Variants in RASAL2 observed in about 807,000 individuals in gnomAD.
RASAL2 encodes the protein RAS protein activator like 2.
In RASAL2, 58 loss-of-function variants were observed where a neutral mutation model predicts 128.9. The observed-to-expected ratio is 0.45, with a 90% CI of 0.36 to 0.56. The LOEUF (loss-of-function observed/expected upper bound fraction) is 0.56, where lower values mean the gene tolerates loss of function less well. Ranked by LOEUF, RASAL2 falls within the 20% of genes least tolerant of loss-of-function variation. The pLI, the probability that RASAL2 is intolerant of heterozygous loss-of-function variation, is 0.00. For missense variants in RASAL2, 1,360 were observed against 1,601.6 expected (o/e 0.85, Z 2.57); for synonymous variants, 561 against 580.8 (o/e 0.97, Z 0.49).
chr1:178,150,050 A>G (rs1040291411), intron 1 of RASAL2, among the ~76,000 whole-genome samples: 1 of 152,184 alleles, frequency 6.6e-6, no homozygotes. Flanking sequence ...TAGAATTGTA[A>G]GTTACTTCCT....
intron 2 of RASAL2, among the ~76,000 whole-genome samples, chr1:178,289,800 A>G (rs951482544): frequency 4.6e-5 from 7 of 152,110 alleles, no homozygotes; most frequent in African/African-American, 1.4e-4. Context: ...AGCTTCCCCA[A>G]CGTGCTACTT....
chr1:178,148,555 C>T (rs1187757156), intron 1 of RASAL2, among the ~76,000 whole-genome samples: 1 of 151,974 alleles, frequency 6.6e-6, no homozygotes, highest in African/African-American at 2.4e-5. Context: ...CTCAGGTGAT[C>T]CTCCTGCCTC....
intron 3 of RASAL2, among the ~76,000 whole-genome samples, chr1:178,362,721 TG>T (rs747966767): frequency 1.3e-5 from 2 of 152,022 alleles, no homozygotes; most frequent in African/African-American, 2.4e-5. Context: ...TTTTTCATTA[TG>T]TTTTTTTTTT....
chr1:178,174,058 G>C (rs1051515643), intron 1 of RASAL2, among the ~76,000 whole-genome samples: 1 of 151,878 alleles, frequency 6.6e-6, no homozygotes, highest in Non-Finnish European at 1.5e-5. Context: ...ATTTTACTTA[G>C]TTGATGCAGC....
chr1:178,257,421 A>ATGTGTGTGTGTGTGTGTG (rs1491588452), intron 1 of RASAL2, among the ~76,000 whole-genome samples: 2 of 114,578 alleles, frequency 1.7e-5, no homozygotes, highest in South Asian at 2.6e-4. Context: ...TGGCTCAGGG[A>ATGTGTGTGTGTGTGTGTG]TATGTGTGTG....
chr1:178,389,719 G>T (rs913193965), intron 3 of RASAL2, among the ~76,000 whole-genome samples: 2 of 152,066 alleles, frequency 1.3e-5, no homozygotes, highest in East Asian at 3.9e-4. Context: ...ACTATATTTT[G>T]TTCAGAAGAA....
chr1:178,363,825 G>A (rs536434446), intron 3 of RASAL2, among the ~76,000 whole-genome samples: 15 of 152,242 alleles, frequency 9.9e-5, no homozygotes, highest in Middle Eastern at 3.4e-3. Flanking sequence ...GGCCGGGTGC[G>A]GTGGCTCACG....
intron 1 of RASAL2, among the ~76,000 whole-genome samples, chr1:178,154,951 G>C (rs1321703196): frequency 1.3e-5 from 2 of 152,250 alleles, no homozygotes; most frequent in African/African-American, 4.8e-5. Context: ...AACCTCCTGA[G>C]TACCTGAGAT....
At chr1:178,382,514 T>C (rs1224353761) in intron 3 of RASAL2, among the ~76,000 whole-genome samples, 2 of 152,154 alleles carry the variant, frequency 1.3e-5, no homozygotes, top group African/African-American at 4.8e-5. Context: ...GAGAACAGGA[T>C]AGAATGCATG....
rs73049372 is a variant in RASAL2 at position 178,116,124 on chromosome 1, A to G, written c.202+21430A>G. Among the ~76,000 whole-genome samples the G allele has an allele frequency of 3.1e-3, 466 of 152,242 alleles. 2 individuals are homozygous for G. The highest frequency in any genetic ancestry group is 0.011 in the African/African-American group (450 of 41,530). On this transcript the variant is annotated intron_variant, in intron 1 of 17. Transcript: ENST00000367649. ...AACTTCTTCCTTGGAGTCTTTCTTG[A>G]TATCTCTTTGCTTGCTTTTCCCTCC...
chr1:178,220,040 T>C (rs959423086), intron 1 of RASAL2, among the ~76,000 whole-genome samples: 3 of 151,948 alleles, frequency 2.0e-5, no homozygotes, highest in African/African-American at 7.3e-5. Context: ...TGTCCTCTCC[T>C]CTCTTTAACT....
chr1:178,204,021 T>C (rs1334402308), intron 1 of RASAL2, among the ~76,000 whole-genome samples: 1 of 152,194 alleles, frequency 6.6e-6, no homozygotes, highest in African/African-American at 2.4e-5. Flanking sequence ...GAATTGGTAG[T>C]AGTAGAAGAA....
chr1:178,286,418 CT>C (rs1229004685), intron 2 of RASAL2, among the ~76,000 whole-genome samples: 1 of 144,260 alleles, frequency 6.9e-6, no homozygotes, highest in Non-Finnish European at 1.5e-5. Context: ...TAGTTATCTT[CT>C]TTTTTTTTGA....
At chr1:178,377,607 ACC>A (rs929808700) in intron 3 of RASAL2, among the ~76,000 whole-genome samples, 8 of 152,168 alleles carry the variant, frequency 5.3e-5, no homozygotes, top group African/African-American at 1.9e-4. Flanking sequence ...AATGAGTTAC[ACC>A]TTCAGTGAGA....
intron 3 of RASAL2, among the ~76,000 whole-genome samples, chr1:178,357,774 C>T (rs1258201616): frequency 1.3e-5 from 2 of 151,942 alleles, no homozygotes; most frequent in Admixed American, 6.6e-5. Flanking sequence ...TTCTTTTGAA[C>T]TTTTTCCATG....
intron 4 of RASAL2, among the ~76,000 whole-genome samples, chr1:178,394,182 T>C (rs1673077881): frequency 6.6e-6 from 1 of 152,234 alleles, no homozygotes; most frequent in African/African-American, 2.4e-5. Context: ...TATACATATG[T>C]ATAAATTCAC....
chr1:178,395,260 C>G (rs1172242320), intron 4 of RASAL2, among the ~76,000 whole-genome samples: 1 of 152,168 alleles, frequency 6.6e-6, no homozygotes, highest in Non-Finnish European at 1.5e-5. Flanking sequence ...CCAGATGATT[C>G]TAATATGCAG....
chr1:178,390,032 T>G, intron 3 of RASAL2, 68 bp from the exon 4 acceptor site: 1 of 967,672 alleles, frequency 1.0e-6, no homozygotes, highest in Non-Finnish European at 1.6e-6. Context: ...CCAGTAACTT[T>G]ACAGTTCAGT....
At position 178,388,338 on chromosome 1, in the gene RASAL2, G is replaced by C. The variant is rs1199824140; in HGVS notation, c.458-1762G>C. 3.9e-5 allele frequency among the ~76,000 whole-genome samples: 6 copies of C among 152,140 alleles called. No individual in the cohort carries two copies. The South Asian group carries it at 1.0e-3, about 26-fold the overall frequency. On this transcript the variant is annotated intron_variant, in intron 3 of 17. Transcript: ENST00000367649. ...CTGATTTACTTAAATTCAGTGCTTT[G>C]TGCCATTCCCATGAATCTGAGCTAA...
Sources: gnomAD v4.1 joint callset for allele counts (sites outside exome capture counted in the v4.1 genomes callset) on GRCh38, gnomAD v4.1.1 for gene constraint, MANE v1.5 for transcripts, NCBI Gene and HGNC (gene_info 2026-07-23, HGNC 2026-07-21) for gene names.